EPHA8: variants seen among roughly 807,000 people sequenced by gnomAD.
The protein encoded by EPHA8 is ephrin type-A receptor 8.
In EPHA8, 58 loss-of-function variants were observed where a neutral mutation model predicts 103.6. The observed-to-expected ratio is 0.56, with a 90% CI of 0.45 to 0.70. The LOEUF is 0.70. EPHA8 is among the 30% of genes least tolerant of loss of function. EPHA8 has a pLI of 0.00. For synonymous variants in EPHA8, 559 were observed against 572.5 expected (o/e 0.98, Z 0.34); for missense variants, 1,304 against 1,395.2 (o/e 0.93, Z 1.04).
intron 3 of EPHA8, among the ~76,000 whole-genome samples, 154 bp downstream of exon 3, chr1:22,577,034 T>C (rs1201671986): frequency 2.0e-5 from 3 of 151,960 alleles, no homozygotes; most frequent in Non-Finnish European, 4.4e-5. Context: ...TGTTCCTACA[T>C]CAGGAAATAT....
intron 2 of EPHA8, among the ~76,000 whole-genome samples, chr1:22,572,200 C>T (rs1027330211): frequency 6.6e-6 from 1 of 152,138 alleles, no homozygotes; most frequent in African/African-American, 2.4e-5. Flanking sequence ...AAATGTTACC[C>T]GATTATCAGA....
rs1557588946 is a variant in EPHA8, at chr1:22,603,379, G to GA, written c.*1639dup. 4 of 152,270 alleles carry GA rather than the reference G, an allele frequency of 2.6e-5. No homozygotes were observed. Among genetic ancestry groups the GA allele is most frequent in the Admixed American group, 1.3e-4 (2 of 15,256 alleles). 9.4% of individuals were successfully genotyped at this position (152,270 alleles called of 1,614,324 possible). On this transcript the variant is annotated 3_prime_UTR_variant, in exon 17 of 17. Coordinates refer to ENST00000166244, the MANE Select transcript of EPHA8 (RefSeq NM_020526.5). ...TGGTCAGAACACGATCTGGGGGGGG[G>GA]ATCCTGTCTTCCTCCCCACCCCACC...
chr1:22,569,052 G>A lies in EPHA8; in HGVS notation c.95-237G>A, dbSNP rs1048161175. Among the ~76,000 whole-genome samples, 1 of 152,210 alleles carries A rather than the reference G, an allele frequency of 6.6e-6. No individual in the cohort carries two copies. Among genetic ancestry groups the A allele is most frequent in the Non-Finnish European group, 1.5e-5 (1 of 68,038 alleles). On this transcript the variant is annotated intron_variant, in intron 1 of 16. Transcript: ENST00000166244. The surrounding 1 kb of genome is among the most constrained non-coding windows in gnomAD (Gnocchi z 4.5). ...GGCACTTGGAACAGCTTGTGTTCTG[G>A]GAGTTCAGAATATTACTTTTTGGCC...
intron 3 of EPHA8, among the ~76,000 whole-genome samples, chr1:22,578,877 G>A (rs1489630258): frequency 1.2e-4 from 13 of 109,716 alleles, no homozygotes; most frequent in Admixed American, 2.4e-4. Flanking sequence ...GCACGTGTCC[G>A]TGTGTCCGTG....
At position 22,603,327 on chromosome 1, in the gene EPHA8, TCTTC is replaced by T. The variant is rs1641791406; in HGVS notation, c.*1593_*1596del. 6.6e-6 allele frequency: 1 copy of T among 152,626 alleles called. No individual in the cohort carries two copies. Among genetic ancestry groups the T allele is most frequent in the South Asian group, 2.1e-4 (1 of 4,816 alleles). The allele number at this position is 152,626 out of a possible 1,614,324, so 9.5% of individuals were successfully genotyped here. A position where few individuals can be genotyped will look rare whatever the true frequency, so the allele number is the denominator to read the frequency against. On this transcript the variant is annotated 3_prime_UTR_variant, in exon 17 of 17. Transcript: ENST00000166244. Reference sequence around the variant, plus strand: ...TTATATTACTATATAGCCGAGCTGTTCTTCCTTCCTATGGAAGTCGGAAACATGG... The same window carrying T: ...TTATATTACTATATAGCCGAGCTGTTCTTCCTATGGAAGTCGGAAACATGG...
At position 22,597,589 on chromosome 1, in the gene EPHA8, C is replaced by T; in HGVS notation, c.1931-87C>T. On this transcript the variant is annotated intron_variant, in intron 10 of 16. Coordinates refer to ENST00000166244, the MANE Select transcript of EPHA8 (RefSeq NM_020526.5). The surrounding 1 kb of genome is among the most constrained non-coding windows in gnomAD (Gnocchi z 4.6). The stretch of plus-strand genomic sequence containing the variant: ...GCGTGTGACCCAGGGGTCTGGCAAG[C>T]CCAGGGGGTCCAAGGGCCTGGGAGG... 1 of 1,550,146 alleles carries T rather than the reference C, an allele frequency of 6.5e-7. No homozygotes were observed. The highest frequency in any genetic ancestry group is 1.2e-5 in the South Asian group (1 of 80,818).
In EPHA8 at chr1:22,601,721, G is replaced by C. The variant is rs1011710043; in HGVS notation, c.2998G>C (p.Gly1000Arg). The change falls in exon 17 of 17, where the codon GGG becomes CGG. Residue 1000 changes from glycine (G) to arginine (R), a missense_variant. Physicochemically the swap from Gly to Arg is moderately radical, Grantham distance 125 (BLOSUM62 -2). Coordinates refer to ENST00000166244, the MANE Select transcript of EPHA8 (RefSeq NM_020526.5). ...GCGGGCCCAGCTGACCAGCACCCAG[G>C]GGCCCCGCCGGCACCTCTGATGTAC... The part of the protein sequence containing the change: ...TMRAQLTSTQ[G>R]PRRHL 31 of 1,562,924 alleles carry C rather than the reference G, an allele frequency of 2.0e-5. No individual in the cohort carries two copies. The highest frequency in any genetic ancestry group is 2.7e-5 in the Non-Finnish European group (31 of 1,153,934).
At chr1:22,586,328 T>G in intron 3 of EPHA8, 152 bp from the exon 4 acceptor site, 2 of 918,316 alleles carry the variant, frequency 2.2e-6, no homozygotes, top group South Asian at 1.7e-5. Context: ...TTCTGCCCTC[T>G]GCAAATGAGG....
intron 8 of EPHA8, among the ~76,000 whole-genome samples, chr1:22,595,880 G>A (rs1641503091): frequency 6.6e-6 from 1 of 152,230 alleles, no homozygotes; most frequent in Non-Finnish European, 1.5e-5. Flanking sequence ...GGACTTGAGG[G>A]CATTTTGAGG....
At chr1:22,594,143 G>A (rs1641452879) in intron 7 of EPHA8, among the ~76,000 whole-genome samples, 1 of 151,840 alleles carries the variant, frequency 6.6e-6, no homozygotes, top group Non-Finnish European at 1.5e-5. Context: ...ATTTTTTTGT[G>A]TATTTAATAG....
rs1338555163 is a variant in EPHA8 at position 22,603,012 on chromosome 1, C to T, written c.*1271C>T. ...CTACCATGTCAGAATATTTTTTCCTCACTCCTGACAATGCAAAAATGGTCT... is the reference window on the plus strand; with the variant it reads ...CTACCATGTCAGAATATTTTTTCCTTACTCCTGACAATGCAAAAATGGTCT... On this transcript the variant is annotated 3_prime_UTR_variant, in exon 17 of 17. Transcript: ENST00000166244. 1 of 152,542 alleles carries T rather than the reference C, an allele frequency of 6.6e-6. No homozygotes were observed. Among genetic ancestry groups the T allele is most frequent in the Non-Finnish European group, 1.5e-5 (1 of 68,032 alleles). 9.4% of individuals were successfully genotyped at this position (152,542 alleles called of 1,614,324 possible).
Position 22,576,420 on chromosome 1 carries a change from C to T in EPHA8, c.363C>T (p.Thr121=), listed in dbSNP as rs754270670. ...MPGVLGTCKE[T]FNLYYLESDR... is the part of the protein sequence containing the mutation. Reference sequence around the variant, plus strand: ...GTGTGCTGGGCACCTGCAAGGAGACCTTCAACCTCTACTACCTGGAGTCGG... The same window carrying T: ...GTGTGCTGGGCACCTGCAAGGAGACTTTCAACCTCTACTACCTGGAGTCGG... The change falls in exon 3 of 17, where the codon ACC becomes ACT. Residue 121 remains threonine, a synonymous_variant. Transcript: ENST00000166244. This position sits in a 1 kb window ranked among gnomAD's most constrained non-coding sequence, Gnocchi z 4.8. 10 of 1,613,860 alleles carry T rather than the reference C, an allele frequency of 6.2e-6. 1 individual carries two copies. The South Asian group carries it at 9.9e-5, about 16-fold the overall frequency.
chr1:22,578,526 T>G (rs946848018), intron 3 of EPHA8, among the ~76,000 whole-genome samples: 3 of 137,628 alleles, frequency 2.2e-5, no homozygotes, highest in Non-Finnish European at 4.7e-5. Flanking sequence ...TATGCATGTG[T>G]GCATATGCGT....
At chr1:22,586,750 G>A (rs1410599735) in intron 4 of EPHA8, 115 bp downstream of exon 4, 2 of 1,377,868 alleles carry the variant, frequency 1.5e-6, no homozygotes, top group African/African-American at 1.5e-5. Flanking sequence ...AGGGGCGGGT[G>A]GCTCTCTTGA....
intron 2 of EPHA8, among the ~76,000 whole-genome samples, chr1:22,575,385 T>G (rs1217605218): frequency 6.6e-6 from 1 of 152,090 alleles, no homozygotes; most frequent in African/African-American, 2.4e-5. Flanking sequence ...TCTGAATATT[T>G]TCTTTAGAGA....
At chr1:22,570,164 T>C (rs897058566) in intron 2 of EPHA8, among the ~76,000 whole-genome samples, 1 of 152,222 alleles carries the variant, frequency 6.6e-6, no homozygotes, top group Admixed American at 6.5e-5. Flanking sequence ...TAATGATCAT[T>C]AACATTGTTA....
chr1:22,578,941 A>G (rs1031460080), intron 3 of EPHA8, among the ~76,000 whole-genome samples: 5 of 138,756 alleles, frequency 3.6e-5, no homozygotes, highest in Non-Finnish European at 6.3e-5. Flanking sequence ...GCATGTGTGT[A>G]TGTATGCATG....
chr1:22,590,456 A>G (rs1389094508), intron 5 of EPHA8, among the ~76,000 whole-genome samples: 2 of 151,916 alleles, frequency 1.3e-5, no homozygotes, highest in African/African-American at 2.4e-5. Context: ...GGACTTCTCC[A>G]TGTCTTTCCT....
Position 22,597,952 on chromosome 1 carries a change from C to T in EPHA8, c.2116+91C>T. 6.6e-7 allele frequency: 1 copy of T among 1,504,456 alleles called. No individual in the cohort carries two copies. Among genetic ancestry groups the T allele is most frequent in the East Asian group, 2.3e-5 (1 of 43,970 alleles). The allele number at this position is 1,504,456 out of a possible 1,614,324, so 93.2% of individuals were successfully genotyped here. ...CATCCCCTCATCCATCCTGCTCTGC[C>T]CCACCTGACCCTGTCCTCTTGGTTC... On this transcript the variant is annotated intron_variant, in intron 11 of 16. Transcript: ENST00000166244. The surrounding 1 kb of genome is among the most constrained non-coding windows in gnomAD (Gnocchi z 4.6).
Sources: gnomAD v4.1 joint callset for allele counts (sites outside exome capture counted in the v4.1 genomes callset) on GRCh38, gnomAD v4.1.1 for gene constraint, Gnocchi (gnomAD v3.1) non-coding constraint, MANE v1.5 for transcripts, NCBI Gene and HGNC (gene_info 2026-07-23, HGNC 2026-07-21) for gene names.